Variants in CRISPLD2 observed in about 807,000 individuals in gnomAD.
CRISPLD2 encodes cysteine-rich secretory protein LCCL domain-containing 2.
Under a neutral mutation model 71.1 loss-of-function variants are expected in CRISPLD2, and 47 were observed. The ratio of observed to expected loss-of-function variants is 0.66; its 90% CI spans 0.52 to 0.84. CRISPLD2 has a LOEUF of 0.84. Among genes scored for constraint, CRISPLD2 ranks in the 40% least tolerant of loss-of-function variants. The probability of loss-of-function intolerance (pLI) is 0.00; values close to 1 mark genes in which losing one functional copy is unlikely to be tolerated. For synonymous variants in CRISPLD2, 317 were observed against 250.1 expected, an observed-to-expected ratio of 1.27 and a Z score of -2.52; for missense variants, 830 against 651.1, an observed-to-expected ratio of 1.27 and a Z score of -2.99.
intron 13 of CRISPLD2, among the ~76,000 whole-genome samples, chr16:84,884,411 T>C (rs1312035139): frequency 6.6e-6 from 1 of 152,220 alleles, no homozygotes; most frequent in African/African-American, 2.4e-5. Context: ...AGATATGACC[T>C]GTGACCATCC....
rs34028519 is a variant in CRISPLD2 at position 84,875,414 on chromosome 16, C to CTTTTTTT, written c.1156+1468_1156+1474dup. Reference sequence around the variant, plus strand: ...GAGAAACATGAGATTTATGCATGGACTTTTTTTTTTTTTTTTTTTTTTTGT... The same window carrying CTTTTTTT: ...GAGAAACATGAGATTTATGCATGGACTTTTTTTTTTTTTTTTTTTTTTTTTTTTTTGT... On this transcript the variant is annotated intron_variant, in intron 11 of 14. Coordinates refer to ENST00000262424, the MANE Select transcript of CRISPLD2 (RefSeq NM_031476.4). Among the ~76,000 whole-genome samples, 112 of 87,782 alleles carry CTTTTTTT rather than the reference C, an allele frequency of 1.3e-3. 8 individuals carry two copies. Among genetic ancestry groups the CTTTTTTT allele is most frequent in the African/African-American group, 5.6e-3 (101 of 18,012 alleles). 57.6% of individuals were successfully genotyped at this position (87,782 alleles called of 152,430 possible). A position where few individuals can be genotyped will look rare whatever the true frequency, so the allele number is the denominator to read the frequency against.
intron 2 of CRISPLD2, among the ~76,000 whole-genome samples, chr16:84,841,759 C>G (rs531906591): frequency 1.3e-5 from 2 of 152,172 alleles, no homozygotes; most frequent in South Asian, 2.1e-4. Context: ...CCATGGCCAG[C>G]TAATTTTTGT....
At chr16:84,863,231 A>C (rs887291639) in intron 6 of CRISPLD2, 1 of 152,238 alleles carries the variant, frequency 6.6e-6, no homozygotes, top group African/African-American at 2.4e-5. Flanking sequence ...TCAAAGAACA[A>C]ATGTGCACAG....
intron 14 of CRISPLD2, among the ~76,000 whole-genome samples, chr16:84,892,503 G>C (rs2071671580): frequency 6.6e-6 from 1 of 152,144 alleles, no homozygotes; most frequent in African/African-American, 2.4e-5. Flanking sequence ...GGGATTTTCA[G>C]TGACCCAACC....
intron 13 of CRISPLD2, among the ~76,000 whole-genome samples, chr16:84,885,027 A>G (rs2071600141): frequency 6.6e-6 from 1 of 152,218 alleles, no homozygotes; most frequent in Admixed American, 6.5e-5. Context: ...AGAGACAGAA[A>G]GCCTGGAGGT....
chr16:84,849,937 G>A (rs1490931190), intron 4 of CRISPLD2, among the ~76,000 whole-genome samples: 1 of 148,800 alleles, frequency 6.7e-6, no homozygotes, highest in East Asian at 2.0e-4. Context: ...TGTTGTCCAG[G>A]CTAGTCGCAA....
Position 84,867,066 on chromosome 16 carries a change from T to C in CRISPLD2, c.853+26T>C, listed in dbSNP as rs752466425. 8 of 1,604,514 alleles carry C rather than the reference T, an allele frequency of 5.0e-6. No individual in the cohort carries two copies. The African/African-American group carries it at 9.4e-5, about 19-fold the overall frequency. On this transcript the variant is annotated intron_variant, in intron 7 of 14. Coordinates refer to ENST00000262424, the MANE Select transcript of CRISPLD2 (RefSeq NM_031476.4). ...GTGAGTCTAGGCCGTCCTCCGCCCCTCCTGCCCTCCCAGCCACCTCCAAAG... is the reference window on the plus strand; with the variant it reads ...GTGAGTCTAGGCCGTCCTCCGCCCCCCCTGCCCTCCCAGCCACCTCCAAAG...
intron 7 of CRISPLD2, among the ~76,000 whole-genome samples, chr16:84,868,114 C>T (rs774194): frequency 0.38 from 57,356 of 151,878 alleles, 11,514 homozygotes; most frequent in East Asian, 0.65. Flanking sequence ...TCTCAGAGCC[C>T]CTCTCTTCTT....
chr16:84,868,556 C>G (rs1301520369), intron 7 of CRISPLD2, among the ~76,000 whole-genome samples: 6 of 152,196 alleles, frequency 3.9e-5, no homozygotes, highest in South Asian at 4.1e-4. Flanking sequence ...CTTTCTCTCT[C>G]AAGGTTCACA....
chr16:84,841,561 G>C (rs950933642), intron 2 of CRISPLD2, among the ~76,000 whole-genome samples: 1 of 151,938 alleles, frequency 6.6e-6, no homozygotes, highest in Non-Finnish European at 1.5e-5. Context: ...AAAGAAACAG[G>C]GTTTTTTTGC....
chr16:84,854,417 C>A (rs1045134204), intron 5 of CRISPLD2, among the ~76,000 whole-genome samples: 21 of 152,254 alleles, frequency 1.4e-4, no homozygotes, highest in African/African-American at 5.1e-4. Context: ...TCTAGGGGCC[C>A]TAACAGTGTT....
intron 11 of CRISPLD2, among the ~76,000 whole-genome samples, chr16:84,876,052 T>G (rs549074376): frequency 1.2e-4 from 18 of 152,328 alleles, no homozygotes; most frequent in Admixed American, 1.1e-3. Context: ...ATCCTGCCTA[T>G]TGCCTGCTTT....
chr16:84,902,943 T>A (rs2071768693), intron 14 of CRISPLD2, among the ~76,000 whole-genome samples: 1 of 151,676 alleles, frequency 6.6e-6, no homozygotes, highest in Non-Finnish European at 1.5e-5. Context: ...CAGCTAATTT[T>A]TGTATTTTTA....
rs17773634 is a variant in CRISPLD2 at position 84,907,769 on chromosome 16, A to C, written c.*1127A>C. 7,733 of 152,260 alleles carry C rather than the reference A, an allele frequency of 0.051. 284 individuals are homozygous for C. Among genetic ancestry groups the C allele is most frequent in the Middle Eastern group, 0.1 (30 of 294 alleles). The allele number at this position is 152,260 out of a possible 1,614,324, so 9.4% of individuals were successfully genotyped here. ...TGGTTATGAAACCGTCTGTGGCCTC[A>C]TGACAGCGAGAGATGGGAATACACT... On this transcript the variant is annotated 3_prime_UTR_variant, in exon 15 of 15. Coordinates refer to ENST00000262424, the MANE Select transcript of CRISPLD2 (RefSeq NM_031476.4).
At chr16:84,901,868 G>C (rs1057243132) in intron 14 of CRISPLD2, among the ~76,000 whole-genome samples, 8 of 122,718 alleles carry the variant, frequency 6.5e-5, no homozygotes, top group Non-Finnish European at 1.2e-4. Context: ...ATCTCGGCTC[G>C]TTGTAACCTC....
intron 2 of CRISPLD2, among the ~76,000 whole-genome samples, chr16:84,844,089 C>G (rs934535960): frequency 2.6e-5 from 4 of 152,210 alleles, no homozygotes; most frequent in Admixed American, 6.5e-5. Flanking sequence ...CGGGAGGACT[C>G]CAGGGAGGAA....
At chr16:84,846,363 G>C (rs751214757) in intron 3 of CRISPLD2, among the ~76,000 whole-genome samples, 2 of 151,552 alleles carry the variant, frequency 1.3e-5, no homozygotes, top group Non-Finnish European at 2.9e-5. Context: ...AGTGATTCTC[G>C]AGCCTCAGCC....
intron 4 of CRISPLD2, among the ~76,000 whole-genome samples, chr16:84,849,917 G>A (rs1321066842): frequency 2.0e-5 from 3 of 149,672 alleles, no homozygotes; most frequent in Non-Finnish European, 4.4e-5. Context: ...TTTAGAGATG[G>A]GTCTGGCTAT....
At chr16:84,867,534 G>A (rs955652502) in intron 7 of CRISPLD2, among the ~76,000 whole-genome samples, 1 of 152,226 alleles carries the variant, frequency 6.6e-6, no homozygotes, top group Non-Finnish European at 1.5e-5. Context: ...TGCCAGCTGA[G>A]GTCTCCCTGT....
Sources: allele counts gnomAD v4.1 joint callset (sites outside exome capture counted in the v4.1 genomes callset), GRCh38; gene constraint gnomAD v4.1.1; transcripts MANE v1.5; gene names NCBI Gene and HGNC (gene_info 2026-07-23, HGNC 2026-07-21).